The following ARMH3 variants were observed in gnomAD, a reference collection of about 807,000 sequenced individuals.
ARMH3 encodes armadillo-like helical domain-containing protein 3.
ARMH3 carries 60 observed loss-of-function variants against 99.1 expected under a neutral mutation model. The observed-to-expected ratio is 0.61, with a 90% CI of 0.49 to 0.75. The LOEUF (loss-of-function observed/expected upper bound fraction) is 0.75, where lower values mean the gene tolerates loss of function less well. ARMH3 is among the 30% of genes least tolerant of loss of function. The pLI is 0.00. For missense variants in ARMH3, 679 were observed against 843.1 expected, an observed-to-expected ratio of 0.81 and a Z score of 2.41; for synonymous variants, 285 against 292.8, an observed-to-expected ratio of 0.97 and a Z score of 0.27.
At chr10:101,955,561 T>C (rs1844991561) in intron 22 of ARMH3, among the ~76,000 whole-genome samples, 1 of 152,246 alleles carries the variant, frequency 6.6e-6, no homozygotes, top group Admixed American at 6.5e-5. Flanking sequence ...AATCCTTCTT[T>C]TCCACTGCTG....
intron 19 of ARMH3, among the ~76,000 whole-genome samples, chr10:101,982,021 C>CAAAAAAAAAAA (rs71016356): frequency 2.0e-4 from 12 of 58,996 alleles, no homozygotes; most frequent in Non-Finnish European, 3.5e-4. Flanking sequence ...GACTCTATCT[C>CAAAAAAAAAAA]AAAAAAAAAA....
chr10:101,991,202 C>G (rs969192402), intron 18 of ARMH3, among the ~76,000 whole-genome samples: 1 of 152,126 alleles, frequency 6.6e-6, no homozygotes, highest in Non-Finnish European at 1.5e-5. Flanking sequence ...TCAGCTAATT[C>G]CCTGAGGAAA....
At chr10:102,042,239 A>C (rs1176307142) in intron 1 of ARMH3, among the ~76,000 whole-genome samples, 3 of 152,256 alleles carry the variant, frequency 2.0e-5, no homozygotes, top group Admixed American at 2.0e-4. Context: ...TGCAATTCTA[A>C]ACTTAGTGGA....
chr10:101,847,463 C>T lies in ARMH3; in HGVS notation c.*65G>A. Reference sequence around the variant, plus strand: ...TCGGGGGCAGCCCCCTCTCCCCTCGCTCCCCCTCCAGCCCATGATCCTCAT... The same window carrying T: ...TCGGGGGCAGCCCCCTCTCCCCTCGTTCCCCCTCCAGCCCATGATCCTCAT... On this transcript the variant is annotated 3_prime_UTR_variant, in exon 26 of 26. Transcript: ENST00000370033. The T allele has an allele frequency of 6.5e-7, 1 of 1,530,340 alleles. No homozygotes were observed. 94.8% of individuals were successfully genotyped at this position (1,530,340 alleles called of 1,614,324 possible).
chr10:101,944,261 TATATATATATATAGAGAGAG>T (rs1844383754), intron 22 of ARMH3, among the ~76,000 whole-genome samples: 2 of 67,344 alleles, frequency 3.0e-5, no homozygotes, highest in South Asian at 6.6e-4. Flanking sequence ...TATATATATA[TATATATATATATAGAGAGAG>T]AGAGAGAGAG....
intron 23 of ARMH3, among the ~76,000 whole-genome samples, chr10:101,919,461 C>T (rs1387291431): frequency 6.6e-6 from 1 of 152,152 alleles, no homozygotes; most frequent in Admixed American, 6.5e-5. Flanking sequence ...AAGCTCACAG[C>T]ACTTTATAAG....
intron 23 of ARMH3, among the ~76,000 whole-genome samples, chr10:101,938,297 C>A (rs984867242): frequency 6.6e-6 from 1 of 152,218 alleles, no homozygotes; most frequent in African/African-American, 2.4e-5. Context: ...ATATGCCTGA[C>A]AGTCATGCAA....
At chr10:101,851,560 C>T (rs951051631) in intron 24 of ARMH3, among the ~76,000 whole-genome samples, 40 of 152,264 alleles carry the variant, frequency 2.6e-4, no homozygotes, top group African/African-American at 9.1e-4. Context: ...GGAGGACAGG[C>T]TCTTGAGGGG....
chr10:101,919,743 C>T (rs1260961194), intron 23 of ARMH3, among the ~76,000 whole-genome samples: 2 of 152,194 alleles, frequency 1.3e-5, no homozygotes, highest in Admixed American at 6.5e-5. Context: ...TTAAGAAATG[C>T]TGTTGCAGAT....
chr10:102,002,662 C>A (rs535764170), intron 14 of ARMH3, among the ~76,000 whole-genome samples: 1 of 152,062 alleles, frequency 6.6e-6, no homozygotes, highest in South Asian at 2.1e-4. Flanking sequence ...TAATAGTAGA[C>A]TGAAAACAGA....
intron 8 of ARMH3, among the ~76,000 whole-genome samples, chr10:102,022,871 T>G (rs2066917849): frequency 6.9e-6 from 1 of 145,574 alleles, no homozygotes; most frequent in Non-Finnish European, 1.5e-5. Flanking sequence ...TGAGCCACCG[T>G]GCCCGGCCGA....
chr10:102,049,963 T>C (rs2067655830), intron 1 of ARMH3, among the ~76,000 whole-genome samples: 1 of 152,150 alleles, frequency 6.6e-6, no homozygotes, highest in South Asian at 2.1e-4. Flanking sequence ...CCTATCAGAA[T>C]GTCCTGTTAG....
intron 24 of ARMH3, among the ~76,000 whole-genome samples, chr10:101,872,008 A>G (rs2067142350): frequency 6.6e-6 from 1 of 152,130 alleles, no homozygotes; most frequent in Non-Finnish European, 1.5e-5. Context: ...AAAAAAAGAA[A>G]AAAAGAAAGT....
chr10:102,044,097 T>C (rs1171227665), intron 1 of ARMH3, among the ~76,000 whole-genome samples: 4 of 148,484 alleles, frequency 2.7e-5, no homozygotes, highest in African/African-American at 7.4e-5. Flanking sequence ...TTTTCTTTTT[T>C]TTTTTTTTTT....
At chr10:101,897,231 C>G (rs1176586864) in intron 23 of ARMH3, among the ~76,000 whole-genome samples, 1 of 152,170 alleles carries the variant, frequency 6.6e-6, no homozygotes, top group African/African-American at 2.4e-5. Flanking sequence ...AATTTCTAAC[C>G]AAACCTCTAG....
intron 6 of ARMH3, among the ~76,000 whole-genome samples, chr10:102,024,788 C>T (rs1325634465): frequency 6.6e-6 from 1 of 150,902 alleles, no homozygotes; most frequent in African/African-American, 2.4e-5. Context: ...CATTGCACTC[C>T]AGCCTGGGCG....
chr10:101,929,583 C>T (rs2135659004), intron 23 of ARMH3, among the ~76,000 whole-genome samples: 1 of 152,196 alleles, frequency 6.6e-6, no homozygotes, highest in South Asian at 2.1e-4. Flanking sequence ...ATAGGAGTAA[C>T]ATTTCTATAT....
chr10:102,042,515 C>A (rs1398607798), intron 1 of ARMH3, among the ~76,000 whole-genome samples: 1 of 152,186 alleles, frequency 6.6e-6, no homozygotes, highest in African/African-American at 2.4e-5. Context: ...AAATTAAATT[C>A]TTTTCATCAT....
intron 19 of ARMH3, among the ~76,000 whole-genome samples, chr10:101,983,252 G>A (rs762153004): frequency 2.6e-5 from 4 of 152,190 alleles, no homozygotes; most frequent in Non-Finnish European, 4.4e-5. Context: ...TGAAGGTTAA[G>A]TTGATTACCA....
Sources: allele counts gnomAD v4.1 joint callset (sites outside exome capture counted in the v4.1 genomes callset), GRCh38; gene constraint gnomAD v4.1.1; transcripts MANE v1.5; gene names NCBI Gene and HGNC (gene_info 2026-07-23, HGNC 2026-07-21).